Variants in ADD2 observed in about 807,000 individuals in gnomAD.
ADD2 encodes beta-adducin.
ADD2 carries 23 observed loss-of-function variants against 83.0 expected under a neutral mutation model. That is an observed-to-expected ratio of 0.28 (90% CI 0.20 to 0.39). ADD2 has a LOEUF of 0.39. Ranked by LOEUF, ADD2 falls within the 10% of genes least tolerant of loss-of-function variation. ADD2 has a pLI of 1.00. For synonymous variants in ADD2, 375 were observed against 375.4 expected (o/e 1.00, Z 0.01); for missense variants, 758 against 944.9 (o/e 0.80, Z 2.59).
intron 4 of ADD2, 58 bp downstream of exon 4, chr2:70,704,263 T>TGCCCCCCC: frequency 1.1e-5 from 10 of 913,236 alleles, no homozygotes; most frequent in Non-Finnish European, 1.5e-5. Flanking sequence ...CTCCCTCTCT[T>TGCCCCCCC]CCCCACCCCA....
chr2:70,666,438 C>A (rs541420937), intron 15 of ADD2, among the ~76,000 whole-genome samples: 7 of 152,314 alleles, frequency 4.6e-5, no homozygotes, highest in African/African-American at 1.7e-4. Flanking sequence ...CTCTCATCTT[C>A]CTGGGCTCTC....
chr2:70,676,553 T>C lies in ADD2; in HGVS notation c.1593+243A>G. Reference sequence around the variant, plus strand: ...GTACGGAAGCCGGCCGCATCACTCCTGCAGGCAGGCTGGGCTGCTGTTCTC... The same window carrying C: ...GTACGGAAGCCGGCCGCATCACTCCCGCAGGCAGGCTGGGCTGCTGTTCTC... On this transcript the variant is annotated intron_variant, in intron 13 of 15. Coordinates refer to ENST00000264436, the MANE Select transcript of ADD2 (RefSeq NM_001617.4). The surrounding 1 kb of genome is among the most constrained non-coding windows in gnomAD (Gnocchi z 4.8). 1 of 1,413,048 alleles carries C rather than the reference T, an allele frequency of 7.1e-7. No homozygotes were observed. 87.5% of individuals were successfully genotyped at this position (1,413,048 alleles called of 1,614,324 possible). A position where few individuals can be genotyped will look rare whatever the true frequency, so the allele number is the denominator to read the frequency against.
chr2:70,663,096 G>A lies in ADD2; in HGVS notation c.*329C>T. 4.0e-6 allele frequency: 1 copy of A among 251,810 alleles called. No individual in the cohort carries two copies. Among genetic ancestry groups the A allele is most frequent in the South Asian group, 7.4e-5 (1 of 13,546 alleles). 15.6% of individuals were successfully genotyped at this position (251,810 alleles called of 1,614,324 possible). A position where few individuals can be genotyped will look rare whatever the true frequency, so the allele number is the denominator to read the frequency against. On this transcript the variant is annotated 3_prime_UTR_variant, in exon 16 of 16. Coordinates refer to ENST00000264436, the MANE Select transcript of ADD2 (RefSeq NM_001617.4). ...CCCATTTCTGGCCTTCTTGCCCTAG[G>A]CTCAGATTGGTGGACAGCATCCAAA... is the stretch of plus-strand genomic sequence containing the variant.
chr2:70,764,399 C>T (rs1356108992), intron 1 of ADD2, among the ~76,000 whole-genome samples: 6 of 151,992 alleles, frequency 3.9e-5, no homozygotes, highest in Admixed American at 6.5e-5. Flanking sequence ...GCAGTGGTCG[C>T]CAGGAGCTGT....
At position 70,729,779 on chromosome 2, in the gene ADD2, T is replaced by C. The variant is rs556007847; in HGVS notation, c.-153-16595A>G. Among the ~76,000 whole-genome samples the C allele has an allele frequency of 1.1e-4, 17 of 152,342 alleles. No individual in the cohort carries two copies. The East Asian group carries it at 3.1e-3, about 28-fold the overall frequency. Reference sequence around the variant, plus strand: ...TACCCCCTTGGACCATCAGAAACTATTTAAACCTTGTTTCTGAGAGATGGA... The same window carrying C: ...TACCCCCTTGGACCATCAGAAACTACTTAAACCTTGTTTCTGAGAGATGGA... On this transcript the variant is annotated intron_variant, in intron 1 of 15. Transcript: ENST00000264436.
chr2:70,704,264 C>CA, intron 4 of ADD2, 57 bp downstream of exon 4: 1 of 425,202 alleles, frequency 2.4e-6, no homozygotes. Context: ...TCCCTCTCTT[C>CA]CCCACCCCAC....
intron 13 of ADD2, 140 bp from the exon 14 acceptor site, chr2:70,674,965 G>C (rs1553367918): frequency 7.2e-7 from 1 of 1,379,788 alleles, no homozygotes. Context: ...AAACAGCTCA[G>C]GGCCTTGGGG....
chr2:70,686,408 G>T (rs1670729351), intron 9 of ADD2, among the ~76,000 whole-genome samples: 1 of 152,136 alleles, frequency 6.6e-6, no homozygotes, highest in South Asian at 2.1e-4. Context: ...AGGGAAGGGG[G>T]CTGTCAGGTA....
intron 2 of ADD2, among the ~76,000 whole-genome samples, chr2:70,711,988 A>G (rs1672202229): frequency 6.6e-6 from 1 of 152,188 alleles, no homozygotes; most frequent in Non-Finnish European, 1.5e-5. Context: ...GTGCCCTTCA[A>G]CTTAGGGTAG....
At position 70,676,666 on chromosome 2, in the gene ADD2, A is replaced by G; in HGVS notation, c.1593+130T>C. The G allele has an allele frequency of 6.7e-7, 1 of 1,496,288 alleles. No homozygotes were observed. The highest frequency in any genetic ancestry group is 9.0e-7 in the Non-Finnish European group (1 of 1,114,884). The allele number at this position is 1,496,288 out of a possible 1,614,324, so 92.7% of individuals were successfully genotyped here. A position where few individuals can be genotyped will look rare whatever the true frequency, so the allele number is the denominator to read the frequency against. Reference sequence around the variant, plus strand: ...AGGTTGGCCTCCATTTTGCAGCAAGAGCACCGGCACCCAAGATCACAGGGG... The same window carrying G: ...AGGTTGGCCTCCATTTTGCAGCAAGGGCACCGGCACCCAAGATCACAGGGG... On this transcript the variant is annotated intron_variant, in intron 13 of 15. Coordinates refer to ENST00000264436, the MANE Select transcript of ADD2 (RefSeq NM_001617.4). The surrounding 1 kb of genome is among the most constrained non-coding windows in gnomAD (Gnocchi z 4.8).
At chr2:70,742,419 G>A (rs1210692756) in intron 1 of ADD2, among the ~76,000 whole-genome samples, 1 of 152,034 alleles carries the variant, frequency 6.6e-6, no homozygotes, top group Admixed American at 6.6e-5. Context: ...AGTTGTAGGT[G>A]TTCTTAGCTA....
intron 1 of ADD2, among the ~76,000 whole-genome samples, chr2:70,723,111 T>C (rs1443003535): frequency 1.3e-5 from 2 of 152,228 alleles, no homozygotes; most frequent in African/African-American, 4.8e-5. Flanking sequence ...TACAGGACCA[T>C]GGCTACAAAT....
chr2:70,692,540 T>C lies in ADD2; in HGVS notation c.568A>G (p.Ile190Val), dbSNP rs1392010874. ...CCCTTCTCCACCACCTCTCCCAGAA[T>C]GTTCACCTTGATCTGCGCCAGGGAA... ...VTASSLIKVNILGEVVEKGSS... is the reference protein window; with the variant it reads ...VTASSLIKVNVLGEVVEKGSS... The change falls in exon 7 of 16, where the codon ATT becomes GTT. Residue 190 changes from isoleucine (I) to valine (V), a missense_variant. Physicochemically the swap from Ile to Val is conservative, Grantham distance 29 (BLOSUM62 3). Around this residue, in one of 5 missense-constraint regions of ADD2, gnomAD observed 394 missense variants for 509.3 expected, o/e 0.77. Coordinates refer to ENST00000264436, the MANE Select transcript of ADD2 (RefSeq NM_001617.4). 7 of 1,606,616 alleles carry C rather than the reference T, an allele frequency of 4.4e-6. No individual in the cohort carries two copies. The highest frequency in any genetic ancestry group is 1.1e-5 in the South Asian group (1 of 90,030).
chr2:70,711,431 C>G (rs1229365383), intron 2 of ADD2, among the ~76,000 whole-genome samples: 2 of 152,192 alleles, frequency 1.3e-5, no homozygotes, highest in Admixed American at 6.5e-5. Context: ...CTCCACCCCC[C>G]ACCAATCCCG....
At chr2:70,691,017 G>C in intron 7 of ADD2, 88 bp from the exon 8 acceptor site, 1 of 1,430,360 alleles carries the variant, frequency 7.0e-7, no homozygotes, top group South Asian at 1.5e-5. Context: ...CTGGGGGCCA[G>C]TGAGGGGTGA....
intron 2 of ADD2, among the ~76,000 whole-genome samples, chr2:70,711,653 G>C (rs1432929443): frequency 6.6e-6 from 1 of 152,208 alleles, no homozygotes; most frequent in African/African-American, 2.4e-5. Context: ...TGTGCTGGGA[G>C]AGTTATGGGC....
chr2:70,723,719 T>A (rs938758944), intron 1 of ADD2, among the ~76,000 whole-genome samples: 1 of 152,292 alleles, frequency 6.6e-6, no homozygotes, highest in Middle Eastern at 3.4e-3. Flanking sequence ...CTGACCCCCT[T>A]GACCCAGCCA....
At chr2:70,678,595 T>C in intron 11 of ADD2, 109 bp downstream of exon 11, 1 of 1,447,448 alleles carries the variant, frequency 6.9e-7, no homozygotes, top group South Asian at 1.5e-5. Flanking sequence ...AAGAGGATGC[T>C]ACTAACCTGG....
intron 1 of ADD2, among the ~76,000 whole-genome samples, chr2:70,762,471 T>C (rs1163794079): frequency 1.3e-5 from 2 of 151,814 alleles, no homozygotes; most frequent in African/African-American, 4.9e-5. Context: ...GTCCCAGCTT[T>C]AGCACTGAAA....
Sources: allele counts gnomAD v4.1 joint callset (sites outside exome capture counted in the v4.1 genomes callset), GRCh38; gene constraint gnomAD v4.1.1; regional missense constraint gnomAD v4.1.1; non-coding constraint Gnocchi (gnomAD v3.1); transcripts MANE v1.5; gene names NCBI Gene and HGNC (gene_info 2026-07-23, HGNC 2026-07-21).